VSIG1: variants seen among roughly 807,000 people sequenced by gnomAD.
The protein encoded by VSIG1 is V-set and immunoglobulin domain containing 1.
In VSIG1, 11 loss-of-function variants were observed where a neutral mutation model predicts 20.1. The observed-to-expected ratio is 0.55, with a 90% CI of 0.34 to 0.91. The LOEUF (loss-of-function observed/expected upper bound fraction) is 0.91. VSIG1 is among the 40% of genes least tolerant of loss of function. The pLI is 0.02. For missense variants in VSIG1, 283 were observed against 298.8 expected, an observed-to-expected ratio of 0.95 and a Z score of 0.39; for synonymous variants, 126 against 116.7, an observed-to-expected ratio of 1.08 and a Z score of -0.52.
At position 108,072,807 on chromosome X, in the gene VSIG1, C is replaced by T. The variant is rs1473505084; in HGVS notation, c.543C>T (p.Asp181=). ...VYYWHKLEGR[D]IVPVKENFNP... ...ACTGGCATAAACTTGAGGGAAGAGA[C>T]ATCGTGCCAGTGAAAGAAAACTTCA... The change falls in exon 4 of 7, where the codon GAC becomes GAT. Residue 181 remains aspartate, a synonymous_variant. Coordinates refer to ENST00000217957, the MANE Select transcript of VSIG1 (RefSeq NM_182607.5). 2 of 1,210,904 alleles carry T rather than the reference C, an allele frequency of 1.7e-6. No individual in the cohort carries two copies. Among genetic ancestry groups the T allele is most frequent in the Non-Finnish European group, 2.2e-6 (2 of 895,230 alleles).
At chrX:108,072,545 G>A (rs763543939) in intron 3 of VSIG1, 132 bp from the exon 4 acceptor site, 63 of 672,420 alleles carry the variant, frequency 9.4e-5, no homozygotes, top group Admixed American at 6.6e-4. Context: ...GAGCCACTGC[G>A]CCTGGCCAAG....
chrX:108,066,797 T>G, intron 2 of VSIG1, 139 bp from the exon 3 acceptor site: 1 of 565,015 alleles, frequency 1.8e-6, no homozygotes, highest in South Asian at 3.0e-5. Context: ...TTGAGAAACC[T>G]TGGCCACAGG....
intron 2 of VSIG1, among the ~76,000 whole-genome samples, chrX:108,064,426 C>T (rs1298416047): frequency 1.8e-5 from 2 of 111,613 alleles, no homozygotes; most frequent in African/African-American, 3.3e-5. Context: ...GGTTCCAGGG[C>T]CTCATTGCTT....
intron 1 of VSIG1, among the ~76,000 whole-genome samples, chrX:108,054,758 A>T (rs2030859015): frequency 9.1e-6 from 1 of 110,419 alleles, no homozygotes; most frequent in South Asian, 3.8e-4. Flanking sequence ...AAAAATGCGT[A>T]GAACTGAATG....
At chrX:108,046,554 GT>G (rs1245259974) in intron 1 of VSIG1, among the ~76,000 whole-genome samples, 1,165 of 100,187 alleles carry the variant, frequency 0.012, 4 homozygotes, top group African/African-American at 0.035. Context: ...GTTAAGAACA[GT>G]TTTTTTTTTT....
the VSIG1 span, among the ~76,000 whole-genome samples, chrX:108,022,715 C>A: frequency 3.6e-5 from 4 of 111,733 alleles, no homozygotes; most frequent in African/African-American, 1.3e-4. Flanking sequence ...TGATATTTTT[C>A]CCCTTCAAAG....
At position 108,045,193 on chromosome X, in the gene VSIG1, C is replaced by T; in HGVS notation, c.49+14C>T. ...GCTGCCTTGCAGGTAAGGAAAGGAT[C>T]TCCAAACCACCAAATATAATTGGAA... On this transcript the variant is annotated intron_variant, in intron 1 of 6. Coordinates refer to ENST00000217957, the MANE Select transcript of VSIG1 (RefSeq NM_182607.5). 8.6e-7 allele frequency: 1 copy of T among 1,159,501 alleles called. No individual in the cohort carries two copies. The highest frequency in any genetic ancestry group is 1.2e-6 in the Non-Finnish European group (1 of 863,779).
upstream of VSIG1, among the ~76,000 whole-genome samples, chrX:108,040,361 C>T (rs1194195276): frequency 1.8e-5 from 2 of 111,616 alleles, no homozygotes; most frequent in Non-Finnish European, 3.8e-5. Context: ...AGGCTGAGGA[C>T]CACAGAGGAG....
intron 6 of VSIG1, among the ~76,000 whole-genome samples, chrX:108,076,739 A>T (rs1318367414): frequency 8.9e-6 from 1 of 111,821 alleles, no homozygotes; most frequent in East Asian, 2.8e-4. Context: ...GGAGTGAGAA[A>T]TAGCGATACA....
At chrX:108,047,891 C>CAT (rs769263352) in intron 1 of VSIG1, among the ~76,000 whole-genome samples, 3 of 21,437 alleles carry the variant, frequency 1.4e-4, no homozygotes, top group East Asian at 2.3e-3. Context: ...TATATACACA[C>CAT]ATATATATAT....
At chrX:108,034,552 G>A in the VSIG1 span, among the ~76,000 whole-genome samples, 4 of 111,712 alleles carry the variant, frequency 3.6e-5, no homozygotes, top group African/African-American at 1.3e-4. Context: ...TTTGTAGAAA[G>A]ATCTTTACAC....
At chrX:108,049,223 T>C (rs893372130) in intron 1 of VSIG1, among the ~76,000 whole-genome samples, 6 of 112,646 alleles carry the variant, frequency 5.3e-5, no homozygotes, top group African/African-American at 1.9e-4. Flanking sequence ...TATTAAACTT[T>C]TGCAGATTTC....
In VSIG1 at chrX:108,077,710, T is replaced by C. The variant is rs1308545908; in HGVS notation, c.*329T>C. On this transcript the variant is annotated 3_prime_UTR_variant, in exon 7 of 7. Coordinates refer to ENST00000217957, the MANE Select transcript of VSIG1 (RefSeq NM_182607.5). The stretch of plus-strand genomic sequence containing the variant: ...ATATTATTTCTCTCTTTTTAACTAC[T>C]CTTTTTTTTTATTTTAGACAGAGTC... 2.4e-5 allele frequency: 5 copies of C among 211,004 alleles called. No homozygotes were observed. The highest frequency in any genetic ancestry group is 4.2e-5 in the Non-Finnish European group (5 of 118,949). The allele number at this position is 211,004 out of a possible 1,213,427, so 17.4% of individuals were successfully genotyped here.
rs1274757991 is a variant in VSIG1, at chrX:108,045,158, C to T, written c.28C>T (p.Leu10=). The part of the protein sequence containing the change: MVFAFWKVF[L]ILSCLAGQVS... The stretch of plus-strand genomic sequence containing the variant: ...GGTGTTCGCATTTTGGAAGGTCTTT[C>T]TGATCCTAAGCTGCCTTGCAGGTAA... Residue 10 remains leucine, a synonymous_variant, in exon 1 of 7, where the codon CTG becomes TTG. Coordinates refer to ENST00000217957, the MANE Select transcript of VSIG1 (RefSeq NM_182607.5). 2.5e-6 allele frequency: 3 copies of T among 1,195,636 alleles called. No individual in the cohort carries two copies. Among genetic ancestry groups the T allele is most frequent in the Middle Eastern group, 2.3e-4 (1 of 4,272 alleles).
upstream of VSIG1, among the ~76,000 whole-genome samples, chrX:108,044,658 C>T (rs1253900702): frequency 1.8e-5 from 2 of 111,201 alleles, no homozygotes; most frequent in African/African-American, 6.6e-5. Context: ...CCCCAGGAAA[C>T]GATATAGTAC....
chrX:108,047,889 CACATAT>C lies in VSIG1; in HGVS notation c.49+2712_49+2717del, dbSNP rs1470165803. On this transcript the variant is annotated intron_variant, in intron 1 of 6. Transcript: ENST00000217957. ...ATATATACACATATATATATATACA[CACATAT>C]ATATATATACACATATATATATACA... 8.4e-4 allele frequency among the ~76,000 whole-genome samples: 25 copies of C among 29,635 alleles called. 1 individual carries two copies. Among genetic ancestry groups the C allele is most frequent in the African/African-American group, 5.2e-3 (24 of 4,609 alleles). 25.7% of individuals were successfully genotyped at this position (29,635 alleles called of 115,157 possible).
chrX:108,064,022 G>A (rs1266836743), intron 2 of VSIG1, among the ~76,000 whole-genome samples: 1 of 112,480 alleles, frequency 8.9e-6, no homozygotes, highest in Non-Finnish European at 1.9e-5. Context: ...CCAGGCTTTG[G>A]CCACTGTTCA....
At position 108,079,122 on chromosome X, in the gene VSIG1, C is replaced by T. The variant is rs188507947; in HGVS notation, c.*1741C>T. 8.9e-6 allele frequency: 1 copy of T among 112,072 alleles called. No individual in the cohort carries two copies. The highest frequency in any genetic ancestry group is 3.2e-5 in the African/African-American group (1 of 30,899). The allele number at this position is 112,072 out of a possible 1,213,427, so 9.2% of individuals were successfully genotyped here. On this transcript the variant is annotated 3_prime_UTR_variant, in exon 7 of 7. Coordinates refer to ENST00000217957, the MANE Select transcript of VSIG1 (RefSeq NM_182607.5). ...ATTTTAGTGACTCCTAAGGCTAGTC[C>T]TTTTATAAACAACTTTTTCTGACAT...
chrX:108,064,837 C>T (rs771272360), intron 2 of VSIG1: 154 of 623,665 alleles, frequency 2.5e-4, no homozygotes, highest in Middle Eastern at 1.9e-3. Context: ...AAATAAGCCC[C>T]ATGCTGCCTA....
Sources: gnomAD v4.1 joint callset for allele counts (sites outside exome capture counted in the v4.1 genomes callset) on GRCh38, gnomAD v4.1.1 for gene constraint, MANE v1.5 for transcripts, NCBI Gene and HGNC (gene_info 2026-07-23, HGNC 2026-07-21) for gene names.